The following ARHGAP24 variants were observed in gnomAD, a reference collection of about 807,000 sequenced individuals.
ARHGAP24 encodes the protein Rho GTPase activating protein 24, also known as rho GTPase-activating protein 24.
Under a neutral mutation model 76.4 loss-of-function variants are expected in ARHGAP24, and 50 were observed. That is an observed-to-expected ratio of 0.65 (90% CI 0.52 to 0.83). ARHGAP24 has a LOEUF of 0.83. ARHGAP24 is among the 40% of genes least tolerant of loss of function. ARHGAP24 has a pLI of 0.00. For synonymous variants in ARHGAP24, 345 were observed against 323.3 expected (o/e 1.07, Z -0.72); for missense variants, 930 against 914.2 (o/e 1.02, Z -0.22).
At chr4:85,563,110 GA>G (rs1182890629) in intron 1 of ARHGAP24, among the ~76,000 whole-genome samples, 1 of 152,164 alleles carries the variant, frequency 6.6e-6, no homozygotes, top group Non-Finnish European at 1.5e-5. Flanking sequence ...AGAAGCTCTG[GA>G]GCACAGACTG....
At chr4:85,495,251 G>A (rs1253734236) in intron 1 of ARHGAP24, among the ~76,000 whole-genome samples, 4 of 151,584 alleles carry the variant, frequency 2.6e-5, no homozygotes, top group Non-Finnish European at 5.9e-5. Context: ...GGGTTTCAGC[G>A]AAGAGGTAAA....
chr4:85,889,236 C>T (rs1207758039), intron 3 of ARHGAP24, among the ~76,000 whole-genome samples: 1 of 152,166 alleles, frequency 6.6e-6, no homozygotes, highest in Non-Finnish European at 1.5e-5. Flanking sequence ...GTAAGTATAA[C>T]AGGAACTTAA....
At chr4:85,524,079 T>G (rs969084064) in intron 1 of ARHGAP24, among the ~76,000 whole-genome samples, 1 of 152,118 alleles carries the variant, frequency 6.6e-6, no homozygotes, top group East Asian at 1.9e-4. Context: ...CTGAATAATT[T>G]TTCAGTTATC....
chr4:85,985,774 T>A (rs1739946826), intron 8 of ARHGAP24, among the ~76,000 whole-genome samples: 1 of 152,186 alleles, frequency 6.6e-6, no homozygotes, highest in Non-Finnish European at 1.5e-5. Context: ...TGCCTCCTAA[T>A]CATTTGCTGT....
At position 85,995,115 on chromosome 4, in the gene ARHGAP24, G is replaced by C. The variant is rs1317427541; in HGVS notation, c.1461G>C (p.Leu487Phe). ...ATGGAACGGTGCGCATGGGCATTTT[G>C]AACAGCGACACACTCGGGAACCCCA... ...VQNGTVRMGI[L>F]NSDTLGNPTN... Residue 487 changes from leucine (L) to phenylalanine (F), a missense_variant, in exon 9 of 10, where the codon TTG (leucine) becomes TTC (phenylalanine). Transcript: ENST00000395184. 6.2e-7 allele frequency: 1 copy of C among 1,613,984 alleles called. No homozygotes were observed. Among genetic ancestry groups the C allele is most frequent in the South Asian group, 1.1e-5 (1 of 91,070 alleles).
chr4:86,001,760 CATT>C lies in ARHGAP24; in HGVS notation c.*1039_*1041del, dbSNP rs1252350929. 4.3e-6 allele frequency: 1 copy of C among 231,558 alleles called. No individual in the cohort carries two copies. The highest frequency in any genetic ancestry group is 8.3e-6 in the Non-Finnish European group (1 of 120,538). 14.3% of individuals were successfully genotyped at this position (231,558 alleles called of 1,614,324 possible). On this transcript the variant is annotated 3_prime_UTR_variant, in exon 10 of 10. Coordinates refer to ENST00000395184, the MANE Select transcript of ARHGAP24 (RefSeq NM_001025616.3). ...TGCTAGAGTATATGTCACGTAGTGA[CATT>C]TTTTTCTCACTCAGGCTATTGCCAT...
intron 9 of ARHGAP24, 149 bp downstream of exon 9, chr4:85,995,806 C>A: frequency 2.5e-6 from 2 of 787,222 alleles, no homozygotes; most frequent in South Asian, 1.6e-5. Flanking sequence ...TGACTGTGTG[C>A]AAGTTAGCTT....
chr4:85,923,682 A>G lies in ARHGAP24; in HGVS notation c.303A>G (p.Glu101=), dbSNP rs6824722. Residue 101 remains glutamate, a synonymous_variant, in exon 4 of 10, where the codon GAA becomes GAG. Transcript: ENST00000395184. The part of the protein sequence containing the change: ...GDRDRMTANH[E]SYLLMASTQN... The stretch of plus-strand genomic sequence containing the variant: ...GAGATCGGATGACAGCAAATCATGA[A>G]AGCTACCTCCTCATGGCAAGCACCC... The G allele has an allele frequency of 0.29, 474,254 of 1,613,384 alleles. 73,770 individuals carry two copies. The highest frequency in any genetic ancestry group is 0.48 in the South Asian group (43,612 of 91,070).
chr4:85,831,690 C>G (rs958211267), intron 3 of ARHGAP24, among the ~76,000 whole-genome samples: 7 of 151,970 alleles, frequency 4.6e-5, no homozygotes, highest in African/African-American at 1.7e-4. Flanking sequence ...TCACTTGAGC[C>G]CAGAAGTTCA....
chr4:85,940,349 G>A (rs918808994), intron 4 of ARHGAP24, among the ~76,000 whole-genome samples: 1 of 151,894 alleles, frequency 6.6e-6, no homozygotes, highest in African/African-American at 2.4e-5. Flanking sequence ...ATGGACCAAA[G>A]ATGACTGTAA....
intron 3 of ARHGAP24, among the ~76,000 whole-genome samples, chr4:85,854,135 C>CAAAA (rs35799327): frequency 2.3e-5 from 2 of 85,586 alleles, no homozygotes; most frequent in East Asian, 3.5e-4. Flanking sequence ...GACTCTGTCT[C>CAAAA]AAAAAAAAAA....
At chr4:85,513,812 C>A (rs1483895673) in intron 1 of ARHGAP24, among the ~76,000 whole-genome samples, 2 of 152,090 alleles carry the variant, frequency 1.3e-5, no homozygotes, top group Admixed American at 6.5e-5. Flanking sequence ...GTGATGAATT[C>A]TCTTCTCCAC....
chr4:85,815,879 G>A (rs1729215940), intron 3 of ARHGAP24, among the ~76,000 whole-genome samples: 1 of 152,160 alleles, frequency 6.6e-6, no homozygotes, highest in African/African-American at 2.4e-5. Context: ...AGGTTTATTG[G>A]ACTTATGGCT....
intron 3 of ARHGAP24, among the ~76,000 whole-genome samples, chr4:85,839,166 A>G (rs1261388021): frequency 2.0e-5 from 3 of 152,244 alleles, no homozygotes; most frequent in African/African-American, 7.2e-5. Context: ...GAGAAGACTC[A>G]GTAATAATAA....
At chr4:85,981,410 A>G (rs1337828193) in intron 8 of ARHGAP24, among the ~76,000 whole-genome samples, 1 of 152,174 alleles carries the variant, frequency 6.6e-6, no homozygotes, top group Admixed American at 6.5e-5. Context: ...ATTAGTGTTG[A>G]TATTAACAAA....
intron 3 of ARHGAP24, among the ~76,000 whole-genome samples, chr4:85,790,948 A>G (rs1199216342): frequency 5.3e-5 from 8 of 152,194 alleles, no homozygotes; most frequent in Non-Finnish European, 8.8e-5. Context: ...ACTACATTGG[A>G]AAAAATTAAA....
chr4:85,923,542 T>G (rs1268857370), intron 3 of ARHGAP24, 106 bp from the exon 4 acceptor site: 7 of 1,485,526 alleles, frequency 4.7e-6, no homozygotes, highest in South Asian at 1.2e-5. Flanking sequence ...TAGAACTTAG[T>G]GCGGGCTGTA....
At chr4:85,862,329 G>A (rs1302130704) in intron 3 of ARHGAP24, among the ~76,000 whole-genome samples, 1 of 152,046 alleles carries the variant, frequency 6.6e-6, no homozygotes, top group Admixed American at 6.6e-5. Context: ...TTGGCAGTGA[G>A]GTACAGAAGC....
At chr4:85,788,750 G>A (rs1460602585) in intron 3 of ARHGAP24, among the ~76,000 whole-genome samples, 1 of 152,146 alleles carries the variant, frequency 6.6e-6, no homozygotes. Flanking sequence ...AAGGATTGTT[G>A]CTTGGCTGAA....
Sources: allele counts gnomAD v4.1 joint callset (sites outside exome capture counted in the v4.1 genomes callset), GRCh38; gene constraint gnomAD v4.1.1; transcripts MANE v1.5; gene names NCBI Gene and HGNC (gene_info 2026-07-23, HGNC 2026-07-21).